PARN: variants seen among roughly 807,000 people sequenced by gnomAD.
PARN encodes poly(A)-specific ribonuclease, also known as poly(A)-specific ribonuclease PARN.
Under a neutral mutation model 102.8 loss-of-function variants are expected in PARN, and 71 were observed. The ratio of observed to expected loss-of-function variants is 0.69; its 90% CI spans 0.57 to 0.84. PARN has a LOEUF of 0.84. PARN is among the 40% of genes least tolerant of loss of function. The pLI, the probability that PARN is intolerant of heterozygous loss-of-function variation, is 0.00. For missense variants in PARN, 782 were observed against 760.9 expected (o/e 1.03, Z -0.33); for synonymous variants, 261 against 252.9 (o/e 1.03, Z -0.30).
intron 21 of PARN, among the ~76,000 whole-genome samples, chr16:14,492,241 G>A (rs568921471): frequency 6.6e-6 from 1 of 152,348 alleles, no homozygotes; most frequent in Non-Finnish European, 1.5e-5. Flanking sequence ...GGAAGATAGT[G>A]GAGGACGGCA....
chr16:14,552,904 C>T (rs945026963), intron 20 of PARN, among the ~76,000 whole-genome samples: 43 of 151,838 alleles, frequency 2.8e-4, no homozygotes, highest in African/African-American at 9.2e-4. Flanking sequence ...GCCGAGATCG[C>T]GCCATTGCAC....
chr16:14,625,990 A>G (rs1972628636), intron 5 of PARN, among the ~76,000 whole-genome samples: 1 of 152,220 alleles, frequency 6.6e-6, no homozygotes, highest in Non-Finnish European at 1.5e-5. Flanking sequence ...GGAAACAGTG[A>G]TATTTACTGA....
intron 21 of PARN, among the ~76,000 whole-genome samples, chr16:14,527,840 AC>A (rs1966089632): frequency 6.6e-6 from 1 of 152,300 alleles, no homozygotes; most frequent in Admixed American, 6.5e-5. Context: ...AAAATTCAAA[AC>A]AAAAAACTGG....
At chr16:14,553,256 TAAAAAAAAAAAAAA>T (rs58411352) in intron 20 of PARN, among the ~76,000 whole-genome samples, 2 of 117,472 alleles carry the variant, frequency 1.7e-5, no homozygotes, top group South Asian at 2.8e-4. Flanking sequence ...TATTTCTATT[TAAAAAAAAAAAAAA>T]AAAAAAAAGA....
At chr16:14,477,903 A>T (rs1466070170) in intron 22 of PARN, among the ~76,000 whole-genome samples, 6 of 152,220 alleles carry the variant, frequency 3.9e-5, no homozygotes, top group Non-Finnish European at 7.3e-5. Context: ...TATTTAACAC[A>T]ATATCAGCAA....
chr16:14,521,272 G>A (rs1965717554), intron 21 of PARN, among the ~76,000 whole-genome samples: 1 of 152,152 alleles, frequency 6.6e-6, no homozygotes, highest in African/African-American at 2.4e-5. Context: ...ATGAAGATGA[G>A]GCTCCAAACT....
intron 22 of PARN, among the ~76,000 whole-genome samples, chr16:14,477,115 C>A (rs1040075891): frequency 6.6e-6 from 1 of 152,122 alleles, no homozygotes; most frequent in African/African-American, 2.4e-5. Flanking sequence ...CAGTAAAAGA[C>A]TGAACAAAAA....
At chr16:14,583,954 C>T (rs1596749298) in intron 16 of PARN, among the ~76,000 whole-genome samples, 1 of 152,136 alleles carries the variant, frequency 6.6e-6, no homozygotes, top group South Asian at 2.1e-4. Context: ...ATCCAGTTCT[C>T]GGGCTTTTCT....
At chr16:14,621,487 G>C (rs1443933394) in intron 5 of PARN, among the ~76,000 whole-genome samples, 1 of 152,132 alleles carries the variant, frequency 6.6e-6, no homozygotes, top group Admixed American at 6.6e-5. Context: ...TAAAATTTAT[G>C]TTACATATAT....
chr16:14,582,488 G>T (rs1969594539), intron 16 of PARN, among the ~76,000 whole-genome samples, 197 bp from the exon 17 acceptor site: 1 of 152,072 alleles, frequency 6.6e-6, no homozygotes, highest in South Asian at 2.1e-4. Flanking sequence ...CTTTGGTCTA[G>T]GATACAGAAA....
Position 14,552,843 on chromosome 16 carries a change from G to A in PARN, c.1406-748C>T, listed in dbSNP as rs1015470615. ...CATGCCTGTAATCCCAGCTACTCGC[G>A]AGGCTGAGGCAGGAGAATGGCTTGA... On this transcript the variant is annotated intron_variant, in intron 20 of 23. Coordinates refer to ENST00000437198, the MANE Select transcript of PARN (RefSeq NM_002582.4). 1.2e-4 allele frequency among the ~76,000 whole-genome samples: 19 copies of A among 152,094 alleles called. 1 individual carries two copies. Among genetic ancestry groups the A allele is most frequent in the Admixed American group, 7.9e-4 (12 of 15,284 alleles).
chr16:14,476,805 GAAC>G (rs1963078135), intron 22 of PARN, among the ~76,000 whole-genome samples: 1 of 152,238 alleles, frequency 6.6e-6, no homozygotes, highest in Non-Finnish European at 1.5e-5. Context: ...CACCAATCTG[GAAC>G]AACGACTTTA....
At chr16:14,524,547 G>C (rs769149351) in intron 21 of PARN, among the ~76,000 whole-genome samples, 1 of 152,156 alleles carries the variant, frequency 6.6e-6, no homozygotes, top group Non-Finnish European at 1.5e-5. Context: ...GAAAGACAAG[G>C]AGGGGAAAAG....
At chr16:14,556,707 T>C (rs370739341) in intron 18 of PARN, among the ~76,000 whole-genome samples, 4 of 152,280 alleles carry the variant, frequency 2.6e-5, no homozygotes, top group South Asian at 4.1e-4. Context: ...TTACCCATCT[T>C]ACCAATCTAT....
chr16:14,610,114 T>G (rs1270677866), intron 7 of PARN, among the ~76,000 whole-genome samples: 1 of 152,182 alleles, frequency 6.6e-6, no homozygotes, highest in African/African-American at 2.4e-5. Flanking sequence ...TCTTGCCTAG[T>G]GACATGTAGC....
At chr16:14,479,850 C>T (rs1963281492) in intron 22 of PARN, among the ~76,000 whole-genome samples, 1 of 151,250 alleles carries the variant, frequency 6.6e-6, no homozygotes, top group African/African-American at 2.4e-5. Flanking sequence ...CCATATCTTA[C>T]TCCACATACA....
intron 12 of PARN, among the ~76,000 whole-genome samples, chr16:14,598,071 G>A (rs942033901): frequency 1.3e-5 from 2 of 152,164 alleles, no homozygotes; most frequent in African/African-American, 4.8e-5. Flanking sequence ...TTGAACCCGA[G>A]AGGCGGAGGT....
intron 10 of PARN, among the ~76,000 whole-genome samples, chr16:14,604,937 C>T (rs1010895076): frequency 2.7e-5 from 4 of 149,832 alleles, no homozygotes; most frequent in South Asian, 2.1e-4. Flanking sequence ...TTTTTGTAAC[C>T]GCACACTTTT....
chr16:14,521,786 G>C (rs867063400), intron 21 of PARN, among the ~76,000 whole-genome samples: 1 of 150,362 alleles, frequency 6.7e-6, no homozygotes, highest in South Asian at 2.1e-4. Context: ...TGGGCAACAA[G>C]AGCCAAACTC....
Sources: allele counts gnomAD v4.1 joint callset (sites outside exome capture counted in the v4.1 genomes callset), GRCh38; gene constraint gnomAD v4.1.1; transcripts MANE v1.5; gene names NCBI Gene and HGNC (gene_info 2026-07-23, HGNC 2026-07-21).